Variants in TMEM267 observed in about 807,000 individuals in gnomAD.
The protein encoded by TMEM267 is transmembrane protein 267.
Under a neutral mutation model 19.3 loss-of-function variants are expected in TMEM267, and 20 were observed. The observed-to-expected ratio is 1.04, with a 90% confidence interval of 0.73 to 1.51. TMEM267 has a LOEUF of 1.51. Ranked by LOEUF, TMEM267 falls within the 40% of genes most tolerant of loss-of-function variation. The probability of loss-of-function intolerance (pLI) is 0.00; values close to 1 mark genes in which losing one functional copy is unlikely to be tolerated. For missense variants in TMEM267, 242 were observed against 261.9 expected (o/e 0.92, Z 0.52); for synonymous variants, 88 against 90.3 (o/e 0.97, Z 0.15).
chr5:43,463,154 G>T (rs562298419), intron 1 of TMEM267, among the ~76,000 whole-genome samples: 4 of 151,978 alleles, frequency 2.6e-5, no homozygotes, highest in East Asian at 3.8e-4. Flanking sequence ...GAGAATACTA[G>T]AAACACCTCT....
intron 1 of TMEM267, among the ~76,000 whole-genome samples, chr5:43,471,535 T>A (rs1744070725): frequency 6.6e-6 from 1 of 152,132 alleles, no homozygotes; most frequent in Non-Finnish European, 1.5e-5. Flanking sequence ...TTACCTGATT[T>A]CAAATTATAC....
At chr5:43,479,550 A>G (rs865806850) in intron 1 of TMEM267, among the ~76,000 whole-genome samples, 15 of 152,024 alleles carry the variant, frequency 9.9e-5, no homozygotes, top group Non-Finnish European at 1.2e-4. Flanking sequence ...CATTAAATAT[A>G]TAACACTAAT....
chr5:43,455,854 A>AT (rs554676059), intron 1 of TMEM267, among the ~76,000 whole-genome samples: 100 of 150,200 alleles, frequency 6.7e-4, no homozygotes, highest in Non-Finnish European at 1.2e-3. Context: ...TGCCCAGCCA[A>AT]TTTTTTTTTA....
chr5:43,457,029 A>G (rs1166718187), intron 1 of TMEM267, among the ~76,000 whole-genome samples: 1 of 152,242 alleles, frequency 6.6e-6, no homozygotes, highest in Non-Finnish European at 1.5e-5. Flanking sequence ...TGGAATAAAA[A>G]GGAACAAACA....
At chr5:43,477,738 T>G (rs576834914) in intron 1 of TMEM267, among the ~76,000 whole-genome samples, 2 of 152,194 alleles carry the variant, frequency 1.3e-5, no homozygotes, top group Non-Finnish European at 2.9e-5. Flanking sequence ...GCTGCTGCTA[T>G]AAAAGATTCT....
rs146367439 is a variant in TMEM267 at position 43,446,504 on chromosome 5, G to C, written c.366C>G (p.Pro122=). The change falls in exon 3 of 3, where the codon CCC becomes CCG. Residue 122 remains proline (P), a synonymous_variant. Coordinates refer to ENST00000397080, the MANE Select transcript of TMEM267 (RefSeq NM_022483.5). ...RPFLHCSTVI[P]VVVLTLKFTM... ...TAAATTTCAGGGTCAGAACCACAACGGGAATCACAGTAGAACAGTGAAGGA... is the reference window on the plus strand; with the variant it reads ...TAAATTTCAGGGTCAGAACCACAACCGGAATCACAGTAGAACAGTGAAGGA... The C allele has an allele frequency of 1.1e-5, 17 of 1,613,868 alleles. No homozygotes were observed. In the African/African-American group the frequency reaches 1.9e-4, roughly 18 times the overall value.
chr5:43,464,247 A>G (rs1489581784), intron 1 of TMEM267, among the ~76,000 whole-genome samples: 1 of 151,826 alleles, frequency 6.6e-6, no homozygotes, highest in African/African-American at 2.4e-5. Flanking sequence ...CCAACTTACA[A>G]GGGATGTGAA....
intron 2 of TMEM267, among the ~76,000 whole-genome samples, chr5:43,452,753 A>G (rs1742688735): frequency 6.6e-6 from 1 of 152,230 alleles, no homozygotes; most frequent in Non-Finnish European, 1.5e-5. Context: ...TTTACTGATT[A>G]AGTTTCTAAA....
intron 2 of TMEM267, among the ~76,000 whole-genome samples, chr5:43,448,852 T>A (rs570209969): frequency 2.1e-3 from 273 of 133,094 alleles, no homozygotes; most frequent in East Asian, 3.2e-3. Flanking sequence ...CAAAAAAAAA[T>A]TTTTTTTAAA....
intron 1 of TMEM267, among the ~76,000 whole-genome samples, chr5:43,477,808 G>A (rs1744517986): frequency 6.6e-6 from 1 of 152,208 alleles, no homozygotes; most frequent in African/African-American, 2.4e-5. Flanking sequence ...GTATGTGTCT[G>A]ATTGGCTAAG....
chr5:43,461,996 T>G (rs1743297719), intron 1 of TMEM267, among the ~76,000 whole-genome samples: 1 of 152,214 alleles, frequency 6.6e-6, no homozygotes, highest in Admixed American at 6.5e-5. Context: ...CCAAGTGCCA[T>G]GCTGGGTTCA....
intron 1 of TMEM267, among the ~76,000 whole-genome samples, chr5:43,462,997 G>T (rs959357516): frequency 2.6e-5 from 4 of 152,078 alleles, no homozygotes; most frequent in African/African-American, 9.7e-5. Flanking sequence ...AATGAATCCA[G>T]GAGCTGGTTT....
chr5:43,477,958 T>G (rs1744527900), intron 1 of TMEM267, among the ~76,000 whole-genome samples: 1 of 152,174 alleles, frequency 6.6e-6, no homozygotes, highest in Non-Finnish European at 1.5e-5. Flanking sequence ...TTTGTGGGCG[T>G]TAATGTATTT....
chr5:43,470,700 T>C (rs1304264163), intron 1 of TMEM267, among the ~76,000 whole-genome samples: 1 of 152,214 alleles, frequency 6.6e-6, no homozygotes, highest in East Asian at 1.9e-4. Flanking sequence ...TGATGCCCAT[T>C]GTCATCACTG....
intron 1 of TMEM267, 24 bp from the exon 2 acceptor site, chr5:43,454,067 TATGA>T: frequency 2.1e-6 from 3 of 1,457,166 alleles, no homozygotes; most frequent in Non-Finnish European, 1.8e-6. Context: ...TAGAGAAAAA[TATGA>T]ATGAAGATTA....
intron 1 of TMEM267, among the ~76,000 whole-genome samples, chr5:43,468,657 A>G (rs994075047): frequency 2.0e-5 from 3 of 152,124 alleles, no homozygotes; most frequent in South Asian, 2.1e-4. Flanking sequence ...GGCAAAATAA[A>G]CTTTCTAAAT....
At chr5:43,474,918 C>T (rs1175532378) in intron 1 of TMEM267, among the ~76,000 whole-genome samples, 1 of 152,106 alleles carries the variant, frequency 6.6e-6, no homozygotes, top group Non-Finnish European at 1.5e-5. Flanking sequence ...AACGCTTTTA[C>T]ACTGTTGGTG....
rs144422418 is a variant in TMEM267 at position 43,479,432 on chromosome 5, G to A, written c.-75+4390C>T. ...AAGCTACTTTGAAAAGTTAAAGCCA[G>A]GAGTAATTAAACAACTCATACTTGA... On this transcript the variant is annotated intron_variant, in intron 1 of 2. Transcript: ENST00000397080. Among the ~76,000 whole-genome samples, 757 of 151,620 alleles carry A rather than the reference G, an allele frequency of 5.0e-3. 11 individuals are homozygous for A. Among genetic ancestry groups the A allele is most frequent in the African/African-American group, 0.012 (489 of 41,390 alleles).
At chr5:43,455,303 G>C (rs1173313632) in intron 1 of TMEM267, among the ~76,000 whole-genome samples, 1 of 151,794 alleles carries the variant, frequency 6.6e-6, no homozygotes, top group Non-Finnish European at 1.5e-5. Context: ...CATGCCTGTA[G>C]TCCCAGCTAC....
Sources: allele counts gnomAD v4.1 joint callset (sites outside exome capture counted in the v4.1 genomes callset), GRCh38; gene constraint gnomAD v4.1.1; transcripts MANE v1.5; gene names NCBI Gene and HGNC (gene_info 2026-07-23, HGNC 2026-07-21).